TTN: variants seen among roughly 807,000 people sequenced by gnomAD.
The protein encoded by TTN is titin.
A neutral mutation model predicts 3,223.0 loss-of-function variants in TTN; 1,525 were observed. That is an observed-to-expected ratio of 0.47 (90% CI 0.45 to 0.49). The LOEUF (loss-of-function observed/expected upper bound fraction) is 0.49. Ranked by LOEUF, TTN falls within the 20% of genes least tolerant of loss-of-function variation. TTN has a pLI of 0.00. For missense variants in TTN, 40,786 were observed against 43,424.0 expected (o/e 0.94, Z 5.40); for synonymous variants, 14,094 against 15,161.0 (o/e 0.93, Z 5.17).
At chr2:178,685,912 A>G (rs1374498707) in intron 127 of TTN, among the ~76,000 whole-genome samples, 2 of 152,260 alleles carry the variant, frequency 1.3e-5, no homozygotes, top group East Asian at 3.9e-4. Flanking sequence ...AGTTAATAAG[A>G]ACAGAAGAAT....
chr2:178,665,376 C>T lies in TTN; in HGVS notation c.36043+1G>A. 6.2e-7 allele frequency: 1 copy of T among 1,611,990 alleles called. No homozygotes were observed. The highest frequency in any genetic ancestry group is 2.2e-5 in the East Asian group (1 of 44,848). On this transcript the variant is annotated splice_donor_variant, in intron 165 of 362. Coordinates refer to ENST00000589042, the MANE Select transcript of TTN (RefSeq NM_001267550.2). LOFTEE classifies it high-confidence loss of function. ...TCCACATTTGTTCAGAGGTAACGTA[C>T]TTTTCATACGTGGAGTTTCTGGCTC...
At position 178,537,726 on chromosome 2, in the gene TTN, T is replaced by C. The variant is rs910034354; in HGVS notation, c.99481A>G (p.Met33161Val). ...SDGRTHTLTV[M>V]TEEQEDEGVY... ...CCTTCATCTTCCTGTTCCTCTGTCA[T>C]TACTGTAAGAGTGTGTGTGCGTCCA... The change falls in exon 355 of 363, where the codon ATG becomes GTG. Residue 33161 changes from methionine to valine, a missense_variant. Coordinates refer to ENST00000589042, the MANE Select transcript of TTN (RefSeq NM_001267550.2). The C allele has an allele frequency of 6.2e-7, 1 of 1,613,836 alleles. No individual in the cohort carries two copies. Among genetic ancestry groups the C allele is most frequent in the South Asian group, 1.1e-5 (1 of 91,088 alleles).
chr2:178,612,485 C>A lies in TTN; in HGVS notation c.50040G>T (p.Gly16680=), dbSNP rs553888905. ...CCACAATGTAGTTGGTGATGGGGGA[C>A]CCTCCATCTTTCTCAGGAACTGTCC... ...LKWTVPEKDG[G]SPITNYIVEK... The change falls in exon 266 of 363, where the codon GGG becomes GGT. Residue 16680 remains glycine, a synonymous_variant. Transcript: ENST00000589042. 3 of 1,612,076 alleles carry A rather than the reference C, an allele frequency of 1.9e-6. No homozygotes were observed. The highest frequency in any genetic ancestry group is 2.7e-5 in the African/African-American group (2 of 74,884).
Position 178,583,918 on chromosome 2 carries a change from A to G in TTN, c.65276-12T>C, listed in dbSNP as rs753923234. The G allele has an allele frequency of 5.2e-6, 8 of 1,533,246 alleles. No individual in the cohort carries two copies. In the African/African-American group the frequency reaches 1.1e-4, roughly 21 times the overall value. 95.0% of individuals were successfully genotyped at this position (1,533,246 alleles called of 1,614,324 possible). A position where few individuals can be genotyped will look rare whatever the true frequency, so the allele number is the denominator to read the frequency against. ...TTTCCCAGGAGGATCTAAAACAAAAAGAGGTACACTCACCATTTATCTTAC... is the reference window on the plus strand; with the variant it reads ...TTTCCCAGGAGGATCTAAAACAAAAGGAGGTACACTCACCATTTATCTTAC... On this transcript the variant is annotated splice_polypyrimidine_tract_variant and intron_variant, in intron 311 of 362. Transcript: ENST00000589042.
At position 178,732,978 on chromosome 2, in the gene TTN, A is replaced by G; in HGVS notation, c.16198T>C (p.Ser5400Pro). The change falls in exon 55 of 363, where the codon TCT (serine) becomes CCT (proline). Residue 5400 changes from serine to proline, a missense_variant. Transcript: ENST00000589042. ...WFKDGKEIAA[S>P]DRYRIAFVEG... ...ACAAATGCTATCCTGTATCTGTCAG[A>G]AGCAGCTATTTCTTTGCCATCCTTA... 6.2e-7 allele frequency: 1 copy of G among 1,613,612 alleles called. No individual in the cohort carries two copies. The highest frequency in any genetic ancestry group is 8.5e-7 in the Non-Finnish European group (1 of 1,179,746).
rs879085011 is a variant in TTN, at chr2:178,560,313, C to G, written c.85819G>C (p.Asp28607His). ...AGTCCTGTTGATTTCACTCTTAGAT[C>G]ATAAACTGGTTTTTTGTTTACACGC... ...WVRVNKKPVYDLRVKSTGLRE... is the reference protein window; with the variant it reads ...WVRVNKKPVYHLRVKSTGLRE... The change falls in exon 326 of 363, where the codon GAT becomes CAT. Residue 28607 changes from aspartate (D) to histidine (H), a missense_variant. Coordinates refer to ENST00000589042, the MANE Select transcript of TTN (RefSeq NM_001267550.2). The G allele has an allele frequency of 6.2e-7, 1 of 1,613,648 alleles. No homozygotes were observed. Among genetic ancestry groups the G allele is most frequent in the African/African-American group, 1.3e-5 (1 of 74,914 alleles).
In TTN at chr2:178,725,609, AAC is replaced by A; in HGVS notation, c.20593_20594del (p.Val6865CysfsTer7). The A allele has an allele frequency of 6.2e-7, 1 of 1,607,414 alleles. No individual in the cohort carries two copies. Among genetic ancestry groups the A allele is most frequent in the Non-Finnish European group, 8.5e-7 (1 of 1,176,636 alleles). ...RFVSKLNSLT[V>X]VAGEPAELQA... ...GTAATTCAGCAGGCTCTCCGGCTAC[AAC>A]AGTGAGGCTGTTCAGTTTGGAGACA... On this transcript the variant is annotated frameshift_variant, in exon 71 of 363. Transcript: ENST00000589042. LOFTEE classifies it high-confidence loss of function.
intron 96 of TTN, 62 bp downstream of exon 96, chr2:178,711,882 G>T: frequency 6.6e-7 from 1 of 1,510,386 alleles, no homozygotes; most frequent in East Asian, 2.3e-5. Flanking sequence ...GGCCTCCCCA[G>T]ACATTTTAAA....
At chr2:178,698,718 G>A in intron 112 of TTN, 125 bp downstream of exon 112, 1 of 867,728 alleles carries the variant, frequency 1.2e-6, no homozygotes, top group Non-Finnish European at 1.8e-6. Flanking sequence ...GCGAAAGTGA[G>A]TGAAGGGAGA....
intron 6 of TTN, among the ~76,000 whole-genome samples, chr2:178,797,256 G>A (rs1221634710): frequency 1.3e-5 from 2 of 151,806 alleles, no homozygotes; most frequent in Admixed American, 1.3e-4. Context: ...TTTTTTATTC[G>A]ACTGCTAGAC....
In TTN at chr2:178,684,963, G is replaced by C. The variant is rs1472640798; in HGVS notation, c.32497C>G (p.Pro10833Ala). The C allele has an allele frequency of 4.4e-6, 7 of 1,607,236 alleles. No homozygotes were observed. The highest frequency in any genetic ancestry group is 6.0e-6 in the Non-Finnish European group (7 of 1,176,426). ...ACTGGAGCAGGAACTTTCTTTTCTGGCACAATTTTCTTAGGTGCTTCAGGA... is the reference window on the plus strand; with the variant it reads ...ACTGGAGCAGGAACTTTCTTTTCTGCCACAATTTTCTTAGGTGCTTCAGGA... ...KVPEAPKKIV[P>A]EKKVPAPVPK... The change falls in exon 130 of 363, where the codon CCA becomes GCA. Residue 10833 changes from proline to alanine, a missense_variant. By Grantham distance (27) the Pro-to-Ala change is conservative. Coordinates refer to ENST00000589042, the MANE Select transcript of TTN (RefSeq NM_001267550.2).
At chr2:178,545,295 A>C in intron 344 of TTN, 93 bp downstream of exon 344, 1 of 1,256,976 alleles carries the variant, frequency 8.0e-7, no homozygotes. Flanking sequence ...ACCATTCATA[A>C]ATTCTAAAAA....
At chr2:178,601,615 T>C (rs765913232) in intron 286 of TTN, 43 bp downstream of exon 286, 114 of 1,582,972 alleles carry the variant, frequency 7.2e-5, no homozygotes, top group Non-Finnish European at 9.5e-5. Flanking sequence ...TGCTTAAAAA[T>C]AATTTGTTTT....
At position 178,581,621 on chromosome 2, in the gene TTN, C is replaced by G. The variant is rs753717922; in HGVS notation, c.66647G>C (p.Arg22216Pro). 6.2e-7 allele frequency: 1 copy of G among 1,612,730 alleles called. No homozygotes were observed. The highest frequency in any genetic ancestry group is 8.5e-7 in the Non-Finnish European group (1 of 1,179,212). Residue 22216 changes from arginine to proline, a missense_variant, in exon 316 of 363, where the codon CGC becomes CCC. Transcript: ENST00000589042. Reference sequence around the variant, plus strand: ...TTCCATCAGGCCAGTAACCTCAAAGCGGGTTTTCTGTAGATTCTGTGGTAA... The same window carrying G: ...TTCCATCAGGCCAGTAACCTCAAAGGGGGTTTTCTGTAGATTCTGTGGTAA... ...CNLPQNLQKT[R>P]FEVTGLMEDT...
rs749379446 is a variant in TTN at position 178,548,908 on chromosome 2, G to C, written c.92718C>G (p.Asp30906Glu). 1.2e-6 allele frequency: 2 copies of C among 1,613,892 alleles called. No homozygotes were observed. The highest frequency in any genetic ancestry group is 1.7e-6 in the Non-Finnish European group (2 of 1,179,844). Residue 30906 changes from aspartate to glutamate, a missense_variant, in exon 339 of 363, where the codon GAC (aspartate) becomes GAG (glutamate). Physicochemically the swap from Asp to Glu is conservative, Grantham distance 45. Transcript: ENST00000589042. The surrounding 1 kb of genome is among the most constrained non-coding windows in gnomAD (Gnocchi z 4.3). ...TAATTGTGCCAGTCACTTCACAGCTGTCGCCTTTTCCAGCACCATTGATAG... is the reference window on the plus strand; with the variant it reads ...TAATTGTGCCAGTCACTTCACAGCTCTCGCCTTTTCCAGCACCATTGATAG... ...VSAINGAGKGDSCEVTGTIKA... is the reference protein window; with the variant it reads ...VSAINGAGKGESCEVTGTIKA...
At chr2:178,629,815 C>T (rs1001525083) in intron 239 of TTN, among the ~76,000 whole-genome samples, 12 of 152,118 alleles carry the variant, frequency 7.9e-5, no homozygotes, top group African/African-American at 2.9e-4. Flanking sequence ...CCATCAAACA[C>T]TTTGCACCTT....
intron 251 of TTN, 24 bp downstream of exon 251, chr2:178,618,560 A>C: frequency 6.2e-7 from 1 of 1,608,146 alleles, no homozygotes. Context: ...TTGCCAATTA[A>C]GTCTGAGAGA....
In TTN at chr2:178,719,454, AT is replaced by A; in HGVS notation, c.23939-4del. On this transcript the variant is annotated splice_polypyrimidine_tract_variant and splice_region_variant and intron_variant, in intron 82 of 362. Transcript: ENST00000589042. ...GAAGGAAGGAGGCACAATCCGATCTATGTGGGGAAGGGTAGTTTTGCGTTTA... is the reference window on the plus strand; with the variant it reads ...GAAGGAAGGAGGCACAATCCGATCTAGTGGGGAAGGGTAGTTTTGCGTTTA... The A allele has an allele frequency of 6.2e-7, 1 of 1,608,718 alleles. No individual in the cohort carries two copies. The highest frequency in any genetic ancestry group is 8.5e-7 in the Non-Finnish European group (1 of 1,176,382).
chr2:178,669,294 T>G, intron 159 of TTN, 79 bp downstream of exon 159: 1 of 1,201,524 alleles, frequency 8.3e-7, no homozygotes, highest in Non-Finnish European at 1.1e-6. Context: ...TATTTACTTT[T>G]CAAAGCTAAA....
Sources: gnomAD v4.1 joint callset for allele counts (sites outside exome capture counted in the v4.1 genomes callset) on GRCh38, gnomAD v4.1.1 for gene constraint, Gnocchi (gnomAD v3.1) non-coding constraint, MANE v1.5 for transcripts, NCBI Gene and HGNC (gene_info 2026-07-23, HGNC 2026-07-21) for gene names.